Variants in COL4A6 observed in about 807,000 individuals in gnomAD.
COL4A6 encodes collagen alpha-6(IV) chain.
Under a neutral mutation model 126.7 loss-of-function variants are expected in COL4A6, and 59 were observed. The ratio of observed to expected loss-of-function variants is 0.47; its 90% CI spans 0.38 to 0.58. The LOEUF is 0.58. COL4A6 is among the 20% of genes least tolerant of loss of function. The probability of loss-of-function intolerance (pLI) is 0.00; values close to 1 mark genes in which losing one functional copy is unlikely to be tolerated. For synonymous variants in COL4A6, 547 were observed against 496.6 expected (o/e 1.10, Z -1.35); for missense variants, 1,285 against 1,337.3 (o/e 0.96, Z 0.61).
chrX:108,325,761 C>T (rs1418312649), intron 2 of COL4A6, among the ~76,000 whole-genome samples: 1 of 107,313 alleles, frequency 9.3e-6, no homozygotes, highest in African/African-American at 3.4e-5. Context: ...TTCGGTTTAA[C>T]ATCTAAAAAT....
intron 2 of COL4A6, among the ~76,000 whole-genome samples, chrX:108,401,143 T>G (rs946650278): frequency 5.4e-5 from 6 of 111,539 alleles, no homozygotes; most frequent in African/African-American, 1.9e-4. Flanking sequence ...ACCTTCACTA[T>G]TTATTAAGTT....
chrX:108,219,776 A>T (rs1319637845), intron 4 of COL4A6, 34 bp from the exon 5 acceptor site: 6 of 1,124,135 alleles, frequency 5.3e-6, no homozygotes, highest in Non-Finnish European at 7.3e-6. Flanking sequence ...AATGTAAGAC[A>T]CAATCCAACT....
chrX:108,191,514 C>A lies in COL4A6; in HGVS notation c.1200G>T (p.Gly400=). The change falls in exon 19 of 45, where the codon GGG becomes GGT. Residue 400 remains glycine, a synonymous_variant. Transcript: ENST00000334504. The part of the protein sequence containing the change: ...PALSGVPGAL[G]PQGFPGLKGD... ...CCTTCAGCCCTGGAAATCCCTGAGGCCCTAGGGCTCCTGGGACACCTGGAA... is the reference window on the plus strand; with the variant it reads ...CCTTCAGCCCTGGAAATCCCTGAGGACCTAGGGCTCCTGGGACACCTGGAA... 8.3e-7 allele frequency: 1 copy of A among 1,209,271 alleles called. No individual in the cohort carries two copies. Among genetic ancestry groups the A allele is most frequent in the Non-Finnish European group, 1.1e-6 (1 of 894,447 alleles).
intron 2 of COL4A6, among the ~76,000 whole-genome samples, chrX:108,320,098 T>G (rs2147939030): frequency 8.9e-6 from 1 of 111,850 alleles, no homozygotes; most frequent in African/African-American, 3.3e-5. Flanking sequence ...ACATACTTAT[T>G]TTTTCCTCTC....
chrX:108,329,634 A>G (rs1411135147), intron 2 of COL4A6, among the ~76,000 whole-genome samples: 4 of 112,099 alleles, frequency 3.6e-5, no homozygotes, highest in Non-Finnish European at 7.5e-5. Flanking sequence ...TTGTTTCACA[A>G]TGATTGAGGG....
intron 2 of COL4A6, among the ~76,000 whole-genome samples, chrX:108,377,428 T>A (rs1340887652): frequency 9.1e-6 from 1 of 110,320 alleles, no homozygotes; most frequent in African/African-American, 3.3e-5. Context: ...CATGTATTAT[T>A]TATTCATTTA....
At chrX:108,205,812 T>C in intron 9 of COL4A6, 117 bp from the exon 10 acceptor site, 1 of 591,805 alleles carries the variant, frequency 1.7e-6, no homozygotes. Context: ...TTTGGCATAG[T>C]AGATTCTAGC....
intron 4 of COL4A6, among the ~76,000 whole-genome samples, chrX:108,220,877 G>T (rs767472586): frequency 8.9e-6 from 1 of 112,554 alleles, no homozygotes; most frequent in African/African-American, 3.2e-5. Context: ...ACTTTGGGAG[G>T]CTGAGACTGG....
rs1479754354 is a variant in COL4A6 at position 108,181,606 on chromosome X, C to T, written c.1952-638G>A. The stretch of plus-strand genomic sequence containing the variant: ...GTGACAGGCAAGTGGTGACCCTTCC[C>T]TCAGCTCCTTATTTGAAACTGTCAA... On this transcript the variant is annotated intron_variant, in intron 23 of 44. Transcript: ENST00000334504. Among the ~76,000 whole-genome samples, 3 of 112,032 alleles carry T rather than the reference C, an allele frequency of 2.7e-5. No homozygotes were observed. In the East Asian group the frequency reaches 8.4e-4, roughly 31 times the overall value.
intron 32 of COL4A6, among the ~76,000 whole-genome samples, chrX:108,171,905 G>T (rs1376987965): frequency 8.9e-6 from 1 of 112,591 alleles, no homozygotes; most frequent in East Asian, 2.8e-4. Flanking sequence ...CTTTTCCTTG[G>T]ATCCATGAAA....
chrX:108,249,952 T>A (rs1420210980), intron 3 of COL4A6, among the ~76,000 whole-genome samples: 1 of 111,688 alleles, frequency 9.0e-6, no homozygotes, highest in Middle Eastern at 4.6e-3. Flanking sequence ...TGAAGTGACA[T>A]GAGGGACACG....
Position 108,164,970 on chromosome X carries a change from G to T in COL4A6, c.3877C>A (p.Pro1293Thr), listed in dbSNP as rs1219509124. The T allele has an allele frequency of 1.7e-6, 2 of 1,211,294 alleles. No individual in the cohort carries two copies. The highest frequency in any genetic ancestry group is 2.2e-6 in the Non-Finnish European group (2 of 895,237). Residue 1293 changes from proline (P) to threonine (T), a missense_variant, in exon 39 of 45, where the codon CCT (proline) becomes ACT (threonine). Transcript: ENST00000334504. ...GGTCCAGGAATTCCAGGGAAGCCAG[G>T]GTCTCCGGTGTCGCCTTGATTCGAG... The part of the protein sequence containing the change: ...PSSNQGDTGD[P>T]GFPGIPGPKG...
chrX:108,161,499 GTCAAGCTCTACCACTGGGTTTATTAAGTT>G (rs1209548064), intron 42 of COL4A6, 91 bp downstream of exon 42: 2 of 486,161 alleles, frequency 4.1e-6, no homozygotes, highest in Admixed American at 6.5e-5. Flanking sequence ...TCTTAGGAGT[GTCAAGCTCTACCACTGGGTTTATTAAGTT>G]TCAGACTTGA....
chrX:108,425,107 A>C (rs1437909652), intron 2 of COL4A6, among the ~76,000 whole-genome samples: 2 of 111,026 alleles, frequency 1.8e-5, no homozygotes, highest in African/African-American at 6.6e-5. Context: ...TTACATACCA[A>C]ACATTAACAC....
At chrX:108,376,122 A>C (rs1234751318) in intron 2 of COL4A6, among the ~76,000 whole-genome samples, 1 of 111,257 alleles carries the variant, frequency 9.0e-6, no homozygotes, top group African/African-American at 3.3e-5. Context: ...ATATCCAATT[A>C]CTCAATGTTG....
intron 7 of COL4A6, among the ~76,000 whole-genome samples, chrX:108,211,121 G>A (rs1186108675): frequency 8.9e-6 from 1 of 111,808 alleles, no homozygotes; most frequent in Non-Finnish European, 1.9e-5. Flanking sequence ...AGGCAACACA[G>A]TCACAAGAAC....
chrX:108,387,573 G>A (rs1301150396), intron 2 of COL4A6, among the ~76,000 whole-genome samples: 1 of 112,190 alleles, frequency 8.9e-6, no homozygotes, highest in Non-Finnish European at 1.9e-5. Context: ...TTTGTATCCT[G>A]AGACTTTGCT....
At chrX:108,421,357 G>T (rs2063979565) in intron 2 of COL4A6, among the ~76,000 whole-genome samples, 1 of 112,139 alleles carries the variant, frequency 8.9e-6, no homozygotes, top group South Asian at 3.7e-4. Context: ...TTTTCTAAAT[G>T]AGGAGACTGG....
At chrX:108,320,730 G>C (rs2039006521) in intron 2 of COL4A6, among the ~76,000 whole-genome samples, 1 of 112,068 alleles carries the variant, frequency 8.9e-6, no homozygotes, top group Admixed American at 9.4e-5. Context: ...CACAGTAAAT[G>C]GTTGTTGAAA....
Sources: allele counts gnomAD v4.1 joint callset (sites outside exome capture counted in the v4.1 genomes callset), GRCh38; gene constraint gnomAD v4.1.1; transcripts MANE v1.5; gene names NCBI Gene and HGNC (gene_info 2026-07-23, HGNC 2026-07-21).